The following SPANXN4 variants were observed in gnomAD, a reference collection of about 807,000 sequenced individuals.
SPANXN4 encodes sperm protein associated with the nucleus on the X chromosome N4.
A neutral mutation model predicts 6.0 loss-of-function variants in SPANXN4; 5 were observed. The observed-to-expected ratio is 0.83, with a 90% confidence interval of 0.44 to 1.75. The LOEUF (loss-of-function observed/expected upper bound fraction) is 1.75, where lower values mean the gene tolerates loss of function less well. Among genes scored for constraint, SPANXN4 ranks in the 40% most tolerant of loss-of-function variants. SPANXN4 has a pLI of 0.02. For synonymous variants in SPANXN4, 45 were observed against 38.0 expected (o/e 1.19, Z -0.68); for missense variants, 157 against 108.6 (o/e 1.45, Z -1.98).
chrX:143,032,517 A>G (rs755947620), intron 1 of SPANXN4, among the ~76,000 whole-genome samples: 1 of 110,090 alleles, frequency 9.1e-6, no homozygotes, highest in African/African-American at 3.3e-5. Context: ...TTAGAGGAGA[A>G]AGGCTTGTCC....
rs1313658321 is a variant in SPANXN4, at chrX:143,034,024, G to T, written c.79-4G>T. ...CTGGCCTCTCCCTGTTTTTTTACCAGAAGAAGAAGAATCTGCACAGAGCCT... is the reference window on the plus strand; with the variant it reads ...CTGGCCTCTCCCTGTTTTTTTACCATAAGAAGAAGAATCTGCACAGAGCCT... On this transcript the variant is annotated splice_region_variant and splice_polypyrimidine_tract_variant and intron_variant, in intron 1 of 2. Coordinates refer to ENST00000370504, the Ensembl canonical transcript of SPANXN4. 9.2e-7 allele frequency: 1 copy of T among 1,092,035 alleles called. No homozygotes were observed. The highest frequency in any genetic ancestry group is 3.2e-5 in the East Asian group (1 of 31,170). The allele number at this position is 1,092,035 out of a possible 1,213,427, so 90.0% of individuals were successfully genotyped here. A position where few individuals can be genotyped will look rare whatever the true frequency, so the allele number is the denominator to read the frequency against.
chrX:143,029,974 G>C (rs1932800115), intron 1 of SPANXN4, among the ~76,000 whole-genome samples: 1 of 111,481 alleles, frequency 9.0e-6, no homozygotes, highest in African/African-American at 3.3e-5. Flanking sequence ...CAAGGCCTTG[G>C]TCAGAATGTA....
chrX:143,026,383 C>A (rs1303803109), intron 1 of SPANXN4, among the ~76,000 whole-genome samples: 2 of 111,133 alleles, frequency 1.8e-5, no homozygotes, highest in Non-Finnish European at 3.8e-5. Flanking sequence ...GACCTTTTTC[C>A]CCAACAAGAT....
intron 1 of SPANXN4, 52 bp downstream of exon 1, chrX:143,026,144 G>T: frequency 9.2e-7 from 1 of 1,082,818 alleles, no homozygotes. Context: ...AAGACACACA[G>T]ATAGGGCGCG....
At chrX:143,025,969 C>T in exon 1 of SPANXN4, 3 of 1,150,657 alleles carry the variant, frequency 2.6e-6, no homozygotes, top group African/African-American at 3.6e-5. Context: ...TGGAAATCTG[C>T]ACCCTAGAAG....
intron 2 of SPANXN4, chrX:143,034,272 T>A (rs62601929): frequency 3.6e-6 from 4 of 1,120,560 alleles, no homozygotes; most frequent in Admixed American, 2.8e-5. Context: ...TCATCACCAC[T>A]GATGGCGATG....
At chrX:143,034,978 T>C (rs1318265037), downstream of SPANXN4, among the ~76,000 whole-genome samples, 2 of 104,322 alleles carry the variant, frequency 1.9e-5, no homozygotes, top group African/African-American at 3.5e-5. Context: ...CTGTAGAATG[T>C]CAATGATTAA....
chrX:143,034,573 A>G, exon 3 of SPANXN4: 2 of 1,164,466 alleles, frequency 1.7e-6, no homozygotes, highest in South Asian at 3.8e-5. Context: ...ACATAAGAAG[A>G]TCTGTATTGT....
downstream of SPANXN4, chrX:143,034,734 A>G (rs760216921): frequency 1.8e-6 from 2 of 1,095,153 alleles, no homozygotes; most frequent in East Asian, 3.3e-5. Context: ...CCCTACAGAA[A>G]GTAAGACAGC....
intron 1 of SPANXN4, among the ~76,000 whole-genome samples, chrX:143,027,353 T>C (rs1044699222): frequency 2.3e-4 from 26 of 111,113 alleles, no homozygotes; most frequent in African/African-American, 7.9e-4. Flanking sequence ...CAGAAGGATA[T>C]AGGTTGCAGT....
intron 1 of SPANXN4, among the ~76,000 whole-genome samples, chrX:143,029,969 C>T (rs1028505925): frequency 1.8e-5 from 2 of 111,144 alleles, no homozygotes; most frequent in Non-Finnish European, 3.8e-5. Context: ...AAGAGCAAGG[C>T]CTTGGTCAGA....
intron 1 of SPANXN4, among the ~76,000 whole-genome samples, chrX:143,027,812 G>C (rs1193504382): frequency 9.1e-6 from 1 of 109,968 alleles, no homozygotes; most frequent in African/African-American, 3.3e-5. Context: ...GTTGGGGGTG[G>C]GGACTTAGAA....
chrX:143,032,848 G>A (rs190944026), intron 1 of SPANXN4, among the ~76,000 whole-genome samples: 19 of 110,923 alleles, frequency 1.7e-4, no homozygotes, highest in Admixed American at 9.6e-5. Flanking sequence ...TGAATACCCC[G>A]GAGAAAAGTG....
At chrX:143,026,922 T>C (rs1228617146) in intron 1 of SPANXN4, among the ~76,000 whole-genome samples, 1 of 111,774 alleles carries the variant, frequency 8.9e-6, no homozygotes, top group Non-Finnish European at 1.9e-5. Flanking sequence ...TAGAATGAAA[T>C]GTAGAGCCTG....
chrX:143,029,516 C>T (rs181801638), intron 1 of SPANXN4, among the ~76,000 whole-genome samples: 1 of 110,997 alleles, frequency 9.0e-6, no homozygotes, highest in East Asian at 2.9e-4. Flanking sequence ...TAAAGAGCTT[C>T]CATTAATGAA....
intron 2 of SPANXN4, 131 bp downstream of exon 2, chrX:143,034,442 G>C: frequency 9.1e-7 from 1 of 1,104,441 alleles, no homozygotes. Flanking sequence ...GCCAGACATT[G>C]TAAATAAAGA....
chrX:143,032,856 G>T (rs774715820), intron 1 of SPANXN4, among the ~76,000 whole-genome samples: 1 of 111,019 alleles, frequency 9.0e-6, no homozygotes, highest in East Asian at 2.9e-4. Context: ...CCGGAGAAAA[G>T]TGACTACCCA....
intron 1 of SPANXN4, 150 bp downstream of exon 1, chrX:143,026,242 G>A (rs909115650): frequency 2.1e-6 from 1 of 471,713 alleles, no homozygotes; most frequent in Admixed American, 4.0e-5. Context: ...ATACAGGCCA[G>A]CGTACTTATA....
chrX:143,035,235 T>C (rs1932837817), downstream of SPANXN4, among the ~76,000 whole-genome samples: 1 of 111,092 alleles, frequency 9.0e-6, no homozygotes, highest in Admixed American at 9.6e-5. Flanking sequence ...TTCACTCTCC[T>C]TTATTTCCAT....
Sources: allele counts gnomAD v4.1 joint callset (sites outside exome capture counted in the v4.1 genomes callset), GRCh38; gene constraint gnomAD v4.1.1; transcripts MANE v1.5; gene names NCBI Gene and HGNC (gene_info 2026-07-23, HGNC 2026-07-21).